Variants in GPATCH2 observed in about 807,000 individuals in gnomAD.
GPATCH2 encodes G-patch domain containing 2.
A neutral mutation model predicts 58.0 loss-of-function variants in GPATCH2; 51 were observed. The ratio of observed to expected loss-of-function variants is 0.88; its 90% CI spans 0.70 to 1.11. The LOEUF is 1.11. Ranked by LOEUF, GPATCH2 falls within the 50% of genes most tolerant of loss-of-function variation. The pLI is 0.00. For synonymous variants in GPATCH2, 222 were observed against 218.5 expected, an observed-to-expected ratio of 1.02 and a Z score of -0.14; for missense variants, 625 against 652.2, an observed-to-expected ratio of 0.96 and a Z score of 0.45.
intron 5 of GPATCH2, among the ~76,000 whole-genome samples, chr1:217,544,762 C>T (rs1664946531): frequency 6.6e-6 from 1 of 152,160 alleles, no homozygotes; most frequent in African/African-American, 2.4e-5. Context: ...TCCCTGCCAT[C>T]CCCCACCTTA....
intron 9 of GPATCH2, among the ~76,000 whole-genome samples, chr1:217,437,782 C>T (rs1193637119): frequency 1.3e-5 from 2 of 152,310 alleles, no homozygotes; most frequent in South Asian, 2.1e-4. Flanking sequence ...AGAGCACCTG[C>T]GGGAAGGGGT....
intron 8 of GPATCH2, among the ~76,000 whole-genome samples, chr1:217,472,895 T>C (rs1660793173): frequency 6.6e-6 from 1 of 152,202 alleles, no homozygotes; most frequent in Admixed American, 6.5e-5. Flanking sequence ...GGCTTTGGCA[T>C]TGTCCTAGTC....
chr1:217,451,073 G>A (rs1269421613), intron 8 of GPATCH2, among the ~76,000 whole-genome samples: 3 of 152,068 alleles, frequency 2.0e-5, no homozygotes, highest in South Asian at 2.1e-4. Context: ...AGTCAGAGTG[G>A]CGAAAGAAAA....
At chr1:217,461,981 G>A (rs1660220476) in intron 8 of GPATCH2, among the ~76,000 whole-genome samples, 1 of 152,124 alleles carries the variant, frequency 6.6e-6, no homozygotes, top group South Asian at 2.1e-4. Flanking sequence ...TGATAAGTAC[G>A]TGAACATTAA....
At chr1:217,555,417 C>T (rs755803336) in intron 5 of GPATCH2, among the ~76,000 whole-genome samples, 10 of 152,124 alleles carry the variant, frequency 6.6e-5, no homozygotes, top group Non-Finnish European at 1.5e-4. Context: ...GCCACATTGG[C>T]TAAAATGTCA....
chr1:217,588,857 A>T (rs1156625714), intron 5 of GPATCH2, among the ~76,000 whole-genome samples: 2 of 152,238 alleles, frequency 1.3e-5, no homozygotes, highest in Non-Finnish European at 2.9e-5. Flanking sequence ...AAGTTAAAGA[A>T]ATATCCCACT....
chr1:217,594,754 T>C (rs908036978), intron 5 of GPATCH2, among the ~76,000 whole-genome samples: 11 of 152,192 alleles, frequency 7.2e-5, no homozygotes, highest in Admixed American at 2.0e-4. Context: ...AAGGATTACT[T>C]ATTAGAAATA....
intron 8 of GPATCH2, among the ~76,000 whole-genome samples, chr1:217,469,677 A>G (rs1660631326): frequency 1.3e-5 from 2 of 152,118 alleles, no homozygotes; most frequent in South Asian, 4.1e-4. Flanking sequence ...AAACATTCTA[A>G]TTATACTTAT....
intron 5 of GPATCH2, among the ~76,000 whole-genome samples, chr1:217,578,534 C>G (rs34460674): frequency 0.16 from 24,201 of 152,170 alleles, 2,445 homozygotes; most frequent in Non-Finnish European, 0.22. Flanking sequence ...GTACAGGCGT[C>G]AGCCTCTGTG....
intron 5 of GPATCH2, among the ~76,000 whole-genome samples, chr1:217,600,673 A>T (rs949715411): frequency 1.3e-5 from 2 of 152,082 alleles, no homozygotes; most frequent in East Asian, 1.9e-4. Flanking sequence ...TTTGATTTTT[A>T]AAAAATAATA....
At chr1:217,519,003 G>A (rs949230374) in intron 5 of GPATCH2, among the ~76,000 whole-genome samples, 23 of 152,070 alleles carry the variant, frequency 1.5e-4, no homozygotes, top group South Asian at 4.1e-4. Flanking sequence ...TTTCTCTTAC[G>A]GCAATTATTA....
chr1:217,516,122 G>A (rs1663133791), intron 5 of GPATCH2, among the ~76,000 whole-genome samples: 1 of 148,096 alleles, frequency 6.8e-6, no homozygotes, highest in Non-Finnish European at 1.5e-5. Flanking sequence ...TTATCATATA[G>A]ATGGTTCTCA....
Position 217,431,112 on chromosome 1 carries a change from TAA to T in GPATCH2, c.*31_*32del. On this transcript the variant is annotated 3_prime_UTR_variant, in exon 10 of 10. Coordinates refer to ENST00000366935, the MANE Select transcript of GPATCH2 (RefSeq NM_018040.5). ...TTTTAGAACAATGGGACATAGTGAA[TAA>T]AGTCTGTAAAACATTTCTTCTTTGC... is the stretch of plus-strand genomic sequence containing the variant. 1 of 1,036,264 alleles carries T rather than the reference TAA, an allele frequency of 9.7e-7. No homozygotes were observed. The highest frequency in any genetic ancestry group is 1.5e-6 in the Non-Finnish European group (1 of 651,828). The allele number at this position is 1,036,264 out of a possible 1,614,324, so 64.2% of individuals were successfully genotyped here.
At chr1:217,576,528 C>T (rs1210017729) in intron 5 of GPATCH2, among the ~76,000 whole-genome samples, 2 of 152,188 alleles carry the variant, frequency 1.3e-5, no homozygotes, top group Non-Finnish European at 2.9e-5. Flanking sequence ...TTGTAGCCAG[C>T]CTCAGCCACA....
chr1:217,515,901 A>T (rs1252291473), intron 5 of GPATCH2, among the ~76,000 whole-genome samples: 1 of 152,092 alleles, frequency 6.6e-6, no homozygotes, highest in East Asian at 1.9e-4. Flanking sequence ...TATAACACAT[A>T]CATTTAAATA....
intron 8 of GPATCH2, among the ~76,000 whole-genome samples, chr1:217,450,746 G>T (rs1659626001): frequency 6.6e-6 from 1 of 152,066 alleles, no homozygotes; most frequent in African/African-American, 2.4e-5. Context: ...TCATTAACAT[G>T]CATGACTATA....
intron 9 of GPATCH2, among the ~76,000 whole-genome samples, chr1:217,437,920 C>T (rs1196719076): frequency 6.6e-6 from 1 of 152,186 alleles, no homozygotes. Flanking sequence ...GGGTCCCTGA[C>T]CCCCGTGCTT....
intron 5 of GPATCH2, among the ~76,000 whole-genome samples, chr1:217,593,430 G>A (rs1667680278): frequency 6.6e-6 from 1 of 151,964 alleles, no homozygotes; most frequent in African/African-American, 2.4e-5. Context: ...TATGGAAAAG[G>A]AGAGTGCAAC....
chr1:217,439,582 T>C (rs990729897), intron 9 of GPATCH2, among the ~76,000 whole-genome samples: 1 of 152,192 alleles, frequency 6.6e-6, no homozygotes, highest in Admixed American at 6.5e-5. Flanking sequence ...ATCCAGGAGC[T>C]GGTTGTTTGA....
Sources: allele counts gnomAD v4.1 joint callset (sites outside exome capture counted in the v4.1 genomes callset), GRCh38; gene constraint gnomAD v4.1.1; transcripts MANE v1.5; gene names NCBI Gene and HGNC (gene_info 2026-07-23, HGNC 2026-07-21).